Variants in CEP55 observed in about 807,000 individuals in gnomAD.
CEP55 encodes centrosomal protein of 55 kDa.
Under a neutral mutation model 63.2 loss-of-function variants are expected in CEP55, and 57 were observed. That is an observed-to-expected ratio of 0.90 (90% CI 0.73 to 1.13). The LOEUF (loss-of-function observed/expected upper bound fraction) is 1.13, where lower values mean the gene tolerates loss of function less well. Ranked by LOEUF, CEP55 falls within the 50% of genes most tolerant of loss-of-function variation. CEP55 has a pLI of 0.00. For missense variants in CEP55, 456 were observed against 518.9 expected (o/e 0.88, Z 1.18); for synonymous variants, 178 against 191.6 (o/e 0.93, Z 0.59).
chr10:93,522,481 G>A (rs1202210521), intron 8 of CEP55, among the ~76,000 whole-genome samples: 2 of 152,224 alleles, frequency 1.3e-5, no homozygotes, highest in Non-Finnish European at 2.9e-5. Flanking sequence ...TGAAAGTGAC[G>A]AGGAGAATGC....
intron 8 of CEP55, among the ~76,000 whole-genome samples, chr10:93,523,374 A>G (rs890311010): frequency 8.5e-5 from 13 of 152,238 alleles, no homozygotes; most frequent in Non-Finnish European, 1.3e-4. Flanking sequence ...GGATCAATTC[A>G]ACAACAAGAG....
At chr10:93,500,513 C>A (rs1305638375) in intron 2 of CEP55, among the ~76,000 whole-genome samples, 2 of 152,116 alleles carry the variant, frequency 1.3e-5, no homozygotes, top group African/African-American at 4.8e-5. Context: ...AAAGACATTG[C>A]GATTAATAGT....
chr10:93,515,471 T>C lies in CEP55; in HGVS notation c.595T>C (p.Leu199=), dbSNP rs766540524. 8 of 1,613,920 alleles carry C rather than the reference T, an allele frequency of 5.0e-6. No individual in the cohort carries two copies. The South Asian group carries it at 8.8e-5, about 18-fold the overall frequency. ...GCGGGAAGTCTATGTAAAAGGACTT[T>C]TAGCAAAGATCTTTGAGTTGGAAAA... ...QQREVYVKGL[L]AKIFELEKKT... is the part of the protein sequence containing the mutation. The change falls in exon 5 of 9, where the codon TTA becomes CTA. Residue 199 remains leucine, a synonymous_variant. Coordinates refer to ENST00000371485, the MANE Select transcript of CEP55 (RefSeq NM_018131.5).
In CEP55 at chr10:93,528,415, G is replaced by C. The variant is rs980735946; in HGVS notation, c.*262G>C. 1.2e-5 allele frequency: 5 copies of C among 433,148 alleles called. No individual in the cohort carries two copies. Among genetic ancestry groups the C allele is most frequent in the Non-Finnish European group, 2.1e-5 (5 of 242,660 alleles). The allele number at this position is 433,148 out of a possible 1,614,324, so 26.8% of individuals were successfully genotyped here. On this transcript the variant is annotated 3_prime_UTR_variant, in exon 9 of 9. Transcript: ENST00000371485. ...ACTGAGACTACTAACATTTTGCACT[G>C]TCAAAATACTTGGTGAGGAAAAGAT...
intron 4 of CEP55, among the ~76,000 whole-genome samples, chr10:93,508,808 G>T (rs908956691): frequency 1.3e-5 from 2 of 152,112 alleles, no homozygotes; most frequent in Non-Finnish European, 2.9e-5. Flanking sequence ...TGACCACTTT[G>T]TCTAAAATTA....
intron 3 of CEP55, among the ~76,000 whole-genome samples, chr10:93,504,879 A>T (rs372009440): frequency 1.3e-5 from 2 of 152,126 alleles, no homozygotes; most frequent in Non-Finnish European, 2.9e-5. Context: ...CAATGGCGCA[A>T]TCTCAGCTCA....
chr10:93,516,299 C>T (rs150644397), intron 5 of CEP55, among the ~76,000 whole-genome samples: 361 of 152,292 alleles, frequency 2.4e-3, no homozygotes, highest in South Asian at 3.9e-3. Flanking sequence ...ATACTTAAAA[C>T]AAAGCTAATG....
chr10:93,514,317 A>G (rs1181771260), intron 4 of CEP55, among the ~76,000 whole-genome samples: 17 of 152,242 alleles, frequency 1.1e-4, no homozygotes, highest in Admixed American at 1.1e-3. Context: ...CACTGTAAGT[A>G]TGAAACCCCT....
intron 2 of CEP55, among the ~76,000 whole-genome samples, chr10:93,501,257 T>G (rs1180862430): frequency 6.6e-6 from 1 of 152,234 alleles, no homozygotes; most frequent in Non-Finnish European, 1.5e-5. Flanking sequence ...CCCTAATTTA[T>G]AATTTGTTAT....
chr10:93,500,106 AG>A lies in CEP55; in HGVS notation c.56del (p.Ser19IlefsTer9). 6.2e-7 allele frequency: 1 copy of A among 1,613,598 alleles called. No homozygotes were observed. Among genetic ancestry groups the A allele is most frequent in the African/African-American group, 1.3e-5 (1 of 75,052 alleles). On this transcript the variant is annotated frameshift_variant, in exon 2 of 9. Transcript: ENST00000371485. LOFTEE classifies it high-confidence loss of function. ...LIKSKWGSKPSNSKSETTLEK... is the reference protein window; with the variant it reads ...LIKSKWGSKPXNSKSETTLEK... Reference sequence around the variant, plus strand: ...TAAAAGTAAGTGGGGATCGAAGCCTAGTAACTCCAAATCCGAAACTACATTA... The same window carrying A: ...TAAAAGTAAGTGGGGATCGAAGCCTATAACTCCAAATCCGAAACTACATTA...
chr10:93,518,059 A>G (rs1184541966), intron 6 of CEP55, among the ~76,000 whole-genome samples: 3 of 152,238 alleles, frequency 2.0e-5, no homozygotes, highest in African/African-American at 7.2e-5. Context: ...TACTATTTTA[A>G]TAATAATTTT....
At chr10:93,524,557 GA>G (rs1223503331) in intron 8 of CEP55, among the ~76,000 whole-genome samples, 1 of 151,836 alleles carries the variant, frequency 6.6e-6, no homozygotes, top group Non-Finnish European at 1.5e-5. Flanking sequence ...CCAAACAATA[GA>G]AAAAAAGGGA....
chr10:93,507,394 G>A (rs565369046), intron 4 of CEP55, among the ~76,000 whole-genome samples: 13 of 151,720 alleles, frequency 8.6e-5, no homozygotes, highest in Non-Finnish European at 1.8e-4. Flanking sequence ...CTAAGTTTTT[G>A]TATTTTTAGT....
chr10:93,523,424 C>A (rs1034050008), intron 8 of CEP55, among the ~76,000 whole-genome samples: 1 of 152,110 alleles, frequency 6.6e-6, no homozygotes, highest in South Asian at 2.1e-4. Context: ...TACAGGAGCA[C>A]CCAGATTCAT....
At chr10:93,511,081 G>T (rs7085459) in intron 4 of CEP55, among the ~76,000 whole-genome samples, 1 of 151,724 alleles carries the variant, frequency 6.6e-6, no homozygotes, top group Non-Finnish European at 1.5e-5. Flanking sequence ...TGGGATTACA[G>T]GCACCTGCCA....
intron 8 of CEP55, among the ~76,000 whole-genome samples, chr10:93,523,495 C>T (rs749747918): frequency 1.3e-5 from 2 of 152,132 alleles, no homozygotes; most frequent in Non-Finnish European, 2.9e-5. Flanking sequence ...TAATGGGAGA[C>T]TTTAACACCC....
intron 4 of CEP55, among the ~76,000 whole-genome samples, chr10:93,508,208 A>G (rs2057708089): frequency 6.6e-6 from 1 of 152,216 alleles, no homozygotes; most frequent in Non-Finnish European, 1.5e-5. Flanking sequence ...TAAATTGAGG[A>G]CACAGGACTG....
At chr10:93,527,136 C>T (rs1301871093) in intron 8 of CEP55, among the ~76,000 whole-genome samples, 1 of 152,040 alleles carries the variant, frequency 6.6e-6, no homozygotes, top group African/African-American at 2.4e-5. Context: ...GCTATCCACC[C>T]TCTTCACTGT....
chr10:93,507,982 T>C (rs2057705893), intron 4 of CEP55, among the ~76,000 whole-genome samples: 1 of 152,244 alleles, frequency 6.6e-6, no homozygotes, highest in Admixed American at 6.5e-5. Flanking sequence ...TAATTTGTAG[T>C]ATCTTCTCTT....
Sources: gnomAD v4.1 joint callset for allele counts (sites outside exome capture counted in the v4.1 genomes callset) on GRCh38, gnomAD v4.1.1 for gene constraint, MANE v1.5 for transcripts, NCBI Gene and HGNC (gene_info 2026-07-23, HGNC 2026-07-21) for gene names.